MMS19: variants seen among roughly 807,000 people sequenced by gnomAD.
MMS19 encodes the protein MMS19 cytosolic iron-sulfur assembly component.
In MMS19, 77 loss-of-function variants were observed where a neutral mutation model predicts 129.8. The observed-to-expected ratio is 0.59, with a 90% CI of 0.49 to 0.72. MMS19 has a LOEUF of 0.72. Ranked by LOEUF, MMS19 falls within the 30% of genes least tolerant of loss-of-function variation. MMS19 has a pLI of 0.00. For synonymous variants in MMS19, 491 were observed against 502.8 expected (o/e 0.98, Z 0.31); for missense variants, 1,168 against 1,266.3 (o/e 0.92, Z 1.18).
chr10:97,463,163 G>GTTTT (rs11369236), intron 19 of MMS19, among the ~76,000 whole-genome samples: 12 of 129,224 alleles, frequency 9.3e-5, no homozygotes, highest in African/African-American at 8.6e-5. Context: ...CTGTGAAACA[G>GTTTT]TTTTTTTTTT....
At chr10:97,497,012 G>A (rs1320484138) in intron 1 of MMS19, among the ~76,000 whole-genome samples, 2 of 152,178 alleles carry the variant, frequency 1.3e-5, no homozygotes, top group Non-Finnish European at 2.9e-5. Flanking sequence ...GAGGGAAAAT[G>A]ACATTGGTAA....
intron 1 of MMS19, among the ~76,000 whole-genome samples, chr10:97,488,983 C>T (rs2038408626): frequency 6.6e-6 from 1 of 152,004 alleles, no homozygotes; most frequent in African/African-American, 2.4e-5. Flanking sequence ...TTTGAGACAG[C>T]ATCCTGCTCT....
chr10:97,465,840 G>A lies in MMS19; in HGVS notation c.1721C>T (p.Pro574Leu). ...TTGCCAGAGATGCTGCAGCAGCAGA[G>A]GCAGTGTCTCCTTGACGATGCTGGG... ...THPSIVKETL[P>L]LLLQHLWQVN... Residue 574 changes from proline (P) to leucine (L), a missense_variant, in exon 18 of 31, where the codon CCT becomes CTT. Around this residue, in one of 3 missense-constraint regions of MMS19, gnomAD observed 831 missense variants for 910.8 expected, o/e 0.91. Transcript: ENST00000438925. 1.2e-6 allele frequency: 2 copies of A among 1,613,834 alleles called. No individual in the cohort carries two copies. Among genetic ancestry groups the A allele is most frequent in the Non-Finnish European group, 1.7e-6 (2 of 1,179,904 alleles).
At chr10:97,493,215 T>C (rs1417391335) in intron 1 of MMS19, among the ~76,000 whole-genome samples, 2 of 152,130 alleles carry the variant, frequency 1.3e-5, no homozygotes, top group African/African-American at 4.8e-5. Context: ...CTCACTATAC[T>C]GTACAGGCTG....
intron 1 of MMS19, among the ~76,000 whole-genome samples, chr10:97,484,684 G>A (rs1229797305): frequency 1.3e-5 from 2 of 152,130 alleles, no homozygotes; most frequent in African/African-American, 2.4e-5. Context: ...TTTGGGAGGC[G>A]AGGTGGGCAG....
intron 8 of MMS19, among the ~76,000 whole-genome samples, chr10:97,475,535 T>C (rs1468100513): frequency 6.6e-6 from 1 of 151,820 alleles, no homozygotes; most frequent in Admixed American, 6.6e-5. Flanking sequence ...AGGGGTTCAA[T>C]ATCAGCCTGG....
chr10:97,464,551 T>C (rs1457173355), intron 18 of MMS19, among the ~76,000 whole-genome samples: 2 of 152,156 alleles, frequency 1.3e-5, no homozygotes, highest in African/African-American at 4.8e-5. Flanking sequence ...CAGATTCTGA[T>C]CAGTGAGGGC....
At chr10:97,482,936 A>G (rs936629899) in intron 2 of MMS19, among the ~76,000 whole-genome samples, 2 of 151,648 alleles carry the variant, frequency 1.3e-5, no homozygotes, top group Non-Finnish European at 2.9e-5. Flanking sequence ...AATTTTTTGT[A>G]TTTTTAGTAG....
intron 4 of MMS19, among the ~76,000 whole-genome samples, 161 bp from the exon 5 acceptor site, chr10:97,478,090 T>C (rs2036098218): frequency 6.6e-6 from 1 of 152,234 alleles, no homozygotes; most frequent in African/African-American, 2.4e-5. Flanking sequence ...ATGAGTTCTC[T>C]GCAGCTCTTT....
chr10:97,458,475 C>A lies in MMS19; in HGVS notation c.*217G>T. ...AGACCCAGGACCCTAGATCTTTCTT[C>A]AAACGCAAGTGTCTCACACACACTT... On this transcript the variant is annotated 3_prime_UTR_variant, in exon 31 of 31. Coordinates refer to ENST00000438925, the MANE Select transcript of MMS19 (RefSeq NM_022362.5). 3.5e-6 allele frequency: 2 copies of A among 567,634 alleles called. No homozygotes were observed. Among genetic ancestry groups the A allele is most frequent in the East Asian group, 5.7e-5 (2 of 35,086 alleles). 35.2% of individuals were successfully genotyped at this position (567,634 alleles called of 1,614,324 possible). A position where few individuals can be genotyped will look rare whatever the true frequency, so the allele number is the denominator to read the frequency against.
Position 97,460,144 on chromosome 10 carries a change from G to C in MMS19, c.2558C>G (p.Thr853Ser). The change falls in exon 26 of 31, where the codon ACT becomes AGT. Residue 853 changes from threonine (T) to serine (S), a missense_variant. Thr to Ser is a moderately conservative substitution (Grantham distance 58). This residue lies in a region of MMS19 where 831 missense variants were observed against 910.8 expected (regional missense o/e 0.91). Coordinates refer to ENST00000438925, the MANE Select transcript of MMS19 (RefSeq NM_022362.5). ...LLMSDCTDVL[T>S]RAGHAEVRIM... ...CCGCACTTCGGCATGGCCAGCACGA[G>C]TCAGCACATCAGTGCAGTCAGACAT... The C allele has an allele frequency of 5.0e-6, 8 of 1,614,030 alleles. No homozygotes were observed. Among genetic ancestry groups the C allele is most frequent in the Non-Finnish European group, 6.8e-6 (8 of 1,179,890 alleles).
In MMS19 at chr10:97,480,970, G is replaced by A; in HGVS notation, c.234C>T (p.His78=). ...CCTTCTCCAGGAGCAAGGTGTGACA[G>A]TGGAGTAGCACCTGTGACAAAAGCT... The part of the protein sequence containing the change: ...AIQLLSQVLL[H]CHTLLLEKEV... The change falls in exon 3 of 31, where the codon CAC becomes CAT. Residue 78 remains histidine (H), a synonymous_variant. Transcript: ENST00000438925. The A allele has an allele frequency of 2.5e-6, 4 of 1,609,352 alleles. No individual in the cohort carries two copies. Among genetic ancestry groups the A allele is most frequent in the Non-Finnish European group, 1.7e-6 (2 of 1,177,412 alleles).
chr10:97,478,021 A>C, intron 4 of MMS19, 92 bp from the exon 5 acceptor site: 2 of 790,026 alleles, frequency 2.5e-6, no homozygotes, highest in Non-Finnish European at 4.1e-6. Context: ...AGCTACTGTA[A>C]GAATCACAGC....
In MMS19 at chr10:97,460,141, C is replaced by A. The variant is rs372694521; in HGVS notation, c.2561G>T (p.Arg854Leu). ...GATCCGCACTTCGGCATGGCCAGCA[C>A]GAGTCAGCACATCAGTGCAGTCAGA... ...LMSDCTDVLT[R>L]AGHAEVRIMF... Residue 854 changes from arginine to leucine, a missense_variant, in exon 26 of 31, where the codon CGT becomes CTT. Arg to Leu is a moderately radical substitution (Grantham distance 102). Transcript: ENST00000438925. 52 of 1,613,854 alleles carry A rather than the reference C, an allele frequency of 3.2e-5. No homozygotes were observed. The South Asian group carries it at 4.6e-4, about 14-fold the overall frequency.
At chr10:97,486,243 G>A (rs954230102) in intron 1 of MMS19, among the ~76,000 whole-genome samples, 4 of 152,174 alleles carry the variant, frequency 2.6e-5, no homozygotes, top group African/African-American at 7.2e-5. Context: ...GTGCAGTGGT[G>A]TGATCCCAGC....
At chr10:97,490,311 C>A (rs1156471441) in intron 1 of MMS19, among the ~76,000 whole-genome samples, 3 of 152,270 alleles carry the variant, frequency 2.0e-5, no homozygotes, top group African/African-American at 7.2e-5. Context: ...AATTCCTGGG[C>A]TCAAGTGATC....
At chr10:97,460,792 C>A in intron 24 of MMS19, 41 bp from the exon 25 acceptor site, 2 of 1,566,746 alleles carry the variant, frequency 1.3e-6, no homozygotes, top group South Asian at 2.3e-5. Context: ...GAATGACACT[C>A]AAACCCGAGA....
chr10:97,484,373 T>C (rs1257973297), intron 1 of MMS19, among the ~76,000 whole-genome samples: 1 of 152,088 alleles, frequency 6.6e-6, no homozygotes, highest in East Asian at 1.9e-4. Context: ...CATTTGTGAA[T>C]GACATGAGCG....
upstream of MMS19, chr10:97,498,582 G>C (rs2040245584): frequency 1.6e-6 from 1 of 626,120 alleles, no homozygotes; most frequent in Non-Finnish European, 2.6e-6. Context: ...AGGGAAGGCG[G>C]CTGCTGGGCA....
Sources: allele counts gnomAD v4.1 joint callset (sites outside exome capture counted in the v4.1 genomes callset), GRCh38; gene constraint gnomAD v4.1.1; regional missense constraint gnomAD v4.1.1; transcripts MANE v1.5; gene names NCBI Gene and HGNC (gene_info 2026-07-23, HGNC 2026-07-21).